Variants in CSMD1 observed in about 807,000 individuals in gnomAD.
CSMD1 encodes the protein CUB and sushi domain-containing protein 1.
Under a neutral mutation model 417.5 loss-of-function variants are expected in CSMD1, and 213 were observed. That is an observed-to-expected ratio of 0.51 (90% CI 0.46 to 0.57). The LOEUF is 0.57. Among genes scored for constraint, CSMD1 ranks in the 20% least tolerant of loss-of-function variants. The pLI, the probability that CSMD1 is intolerant of heterozygous loss-of-function variation, is 0.00. For synonymous variants in CSMD1, 2,862 were observed against 1,736.8 expected, an observed-to-expected ratio of 1.65 and a Z score of -16.11; for missense variants, 6,923 against 4,529.7, an observed-to-expected ratio of 1.53 and a Z score of -15.17.
At chr8:4,079,125 A>T (rs1799990439) in intron 3 of CSMD1, among the ~76,000 whole-genome samples, 1 of 151,848 alleles carries the variant, frequency 6.6e-6, no homozygotes, top group Non-Finnish European at 1.5e-5. Context: ...GACAATTTTT[A>T]TTCAACTACT....
chr8:3,710,786 C>A (rs35962478), intron 6 of CSMD1, among the ~76,000 whole-genome samples: 1 of 151,886 alleles, frequency 6.6e-6, no homozygotes, highest in East Asian at 1.9e-4. Flanking sequence ...CAGCTCATAT[C>A]AGGAAGCAAG....
chr8:3,316,643 T>A (rs752400763), intron 23 of CSMD1, among the ~76,000 whole-genome samples: 56 of 152,248 alleles, frequency 3.7e-4, no homozygotes, highest in Non-Finnish European at 6.3e-4. Flanking sequence ...AACACCAATT[T>A]ACAGGAACAT....
intron 6 of CSMD1, among the ~76,000 whole-genome samples, chr8:3,736,137 C>T (rs1431186060): frequency 2.0e-5 from 3 of 152,140 alleles, no homozygotes; most frequent in Admixed American, 6.5e-5. Flanking sequence ...CTTTTCAGTA[C>T]TCATAAAACC....
At chr8:3,027,635 A>C (rs1372588909) in intron 51 of CSMD1, among the ~76,000 whole-genome samples, 3 of 152,370 alleles carry the variant, frequency 2.0e-5, no homozygotes, top group Admixed American at 6.5e-5. Flanking sequence ...CGCAAGCAGC[A>C]GGCAGCTGAC....
At chr8:3,235,167 T>G (rs1316485963) in intron 26 of CSMD1, among the ~76,000 whole-genome samples, 1 of 152,126 alleles carries the variant, frequency 6.6e-6, no homozygotes, top group Non-Finnish European at 1.5e-5. Context: ...ATCGCAACAT[T>G]TATACAATGA....
At chr8:4,973,676 T>C (rs1584939137) in intron 1 of CSMD1, among the ~76,000 whole-genome samples, 1 of 152,304 alleles carries the variant, frequency 6.6e-6, no homozygotes, top group East Asian at 1.9e-4. Context: ...TACCCATTCA[T>C]TATCCTGACC....
At chr8:3,121,959 TTA>T (rs1817237660) in intron 41 of CSMD1, among the ~76,000 whole-genome samples, 1 of 152,170 alleles carries the variant, frequency 6.6e-6, no homozygotes, top group African/African-American at 2.4e-5. Context: ...CACCTAAATA[TTA>T]TAGAGAATTA....
intron 18 of CSMD1, among the ~76,000 whole-genome samples, chr8:3,381,327 T>A (rs761485850): frequency 6.6e-6 from 1 of 152,038 alleles, no homozygotes; most frequent in Non-Finnish European, 1.5e-5. Context: ...TTTTTGTCTA[T>A]AGTCCAAATT....
At chr8:4,498,983 A>C (rs1199822298) in intron 2 of CSMD1, among the ~76,000 whole-genome samples, 1 of 152,184 alleles carries the variant, frequency 6.6e-6, no homozygotes, top group Non-Finnish European at 1.5e-5. Context: ...CTTAGAATTA[A>C]AAAAAAGTAA....
At chr8:4,016,504 T>A (rs143509473) in intron 4 of CSMD1, among the ~76,000 whole-genome samples, 2 of 152,052 alleles carry the variant, frequency 1.3e-5, no homozygotes, top group African/African-American at 2.4e-5. Flanking sequence ...GACAAGGAGG[T>A]CCAAGGTTTT....
intron 3 of CSMD1, among the ~76,000 whole-genome samples, chr8:4,282,444 G>A (rs1212423001): frequency 6.6e-6 from 1 of 152,156 alleles, no homozygotes; most frequent in Non-Finnish European, 1.5e-5. Context: ...AGGTCCTATT[G>A]CCAGAGGACG....
chr8:4,089,527 G>A (rs1255611929), intron 3 of CSMD1, among the ~76,000 whole-genome samples: 2 of 152,110 alleles, frequency 1.3e-5, no homozygotes, highest in Non-Finnish European at 2.9e-5. Context: ...GTCTTATATA[G>A]CATTCTGATT....
chr8:4,659,736 T>C (rs927774192), intron 1 of CSMD1, among the ~76,000 whole-genome samples: 1 of 152,128 alleles, frequency 6.6e-6, no homozygotes. Flanking sequence ...TTATACAACA[T>C]TGTGAATGTA....
At chr8:3,523,355 G>A (rs1797593954) in intron 10 of CSMD1, among the ~76,000 whole-genome samples, 1 of 152,192 alleles carries the variant, frequency 6.6e-6, no homozygotes, top group Non-Finnish European at 1.5e-5. Flanking sequence ...GTGTCATTCT[G>A]AGATTACGTG....
At chr8:4,129,251 C>G (rs1468651135) in intron 3 of CSMD1, among the ~76,000 whole-genome samples, 2 of 152,074 alleles carry the variant, frequency 1.3e-5, no homozygotes, top group Non-Finnish European at 2.9e-5. Context: ...GAGGATGTCT[C>G]CTGGGGAGCC....
chr8:4,601,263 T>C (rs1800565093), intron 2 of CSMD1, among the ~76,000 whole-genome samples: 1 of 152,184 alleles, frequency 6.6e-6, no homozygotes, highest in African/African-American at 2.4e-5. Flanking sequence ...GCCAGATTTT[T>C]TTTAAAAAGC....
chr8:3,562,400 A>G (rs1799506841), intron 10 of CSMD1, among the ~76,000 whole-genome samples: 1 of 122,804 alleles, frequency 8.1e-6, no homozygotes, highest in Admixed American at 9.4e-5. Context: ...ACACACATGC[A>G]TACACACACA....
intron 3 of CSMD1, among the ~76,000 whole-genome samples, chr8:4,112,135 A>C (rs975085636): frequency 1.3e-5 from 2 of 152,188 alleles, no homozygotes; most frequent in Non-Finnish European, 2.9e-5. Flanking sequence ...GCCCCTTCAA[A>C]GTGCTGGGCA....
chr8:3,231,893 A>C (rs754179131), intron 26 of CSMD1, among the ~76,000 whole-genome samples: 1 of 152,234 alleles, frequency 6.6e-6, no homozygotes, highest in Non-Finnish European at 1.5e-5. Context: ...ATGAAGATGA[A>C]GTGTGAAAAT....
Sources: gnomAD v4.1 joint callset for allele counts (sites outside exome capture counted in the v4.1 genomes callset) on GRCh38, gnomAD v4.1.1 for gene constraint, MANE v1.5 for transcripts, NCBI Gene and HGNC (gene_info 2026-07-23, HGNC 2026-07-21) for gene names.